ATCAY: variants seen among roughly 807,000 people sequenced by gnomAD.
ATCAY encodes the protein ATCAY kinesin light chain interacting caytaxin, also known as caytaxin.
In ATCAY, 22 loss-of-function variants were observed where a neutral mutation model predicts 47.7. The ratio of observed to expected loss-of-function variants is 0.46; its 90% confidence interval spans 0.33 to 0.66. ATCAY has a LOEUF of 0.66. Ranked by LOEUF, ATCAY falls within the 30% of genes least tolerant of loss-of-function variation. The pLI is 0.02. For synonymous variants in ATCAY, 216 were observed against 207.6 expected, an observed-to-expected ratio of 1.04 and a Z score of -0.35; for missense variants, 452 against 515.0, an observed-to-expected ratio of 0.88 and a Z score of 1.18.
At chr19:3,884,475 G>A (rs181682446) in intron 1 of ATCAY, among the ~76,000 whole-genome samples, 2 of 152,058 alleles carry the variant, frequency 1.3e-5, no homozygotes, top group Non-Finnish European at 2.9e-5. Flanking sequence ...CGATGGGTTA[G>A]AGCCTACTGG....
At position 3,895,809 on chromosome 19, in the gene ATCAY, G is replaced by A. The variant is rs149660367; in HGVS notation, c.78-6678G>A. Among the ~76,000 whole-genome samples the A allele has an allele frequency of 1.1e-4, 16 of 147,250 alleles. No individual in the cohort carries two copies. In the East Asian group the frequency reaches 2.0e-3, roughly 19 times the overall value. The stretch of plus-strand genomic sequence containing the variant: ...CAGCTCACTGCAGCCTCAAACTCCC[G>A]GACTCAAACGATCCTCCTGCCTCAG... On this transcript the variant is annotated intron_variant, in intron 2 of 12. Coordinates refer to ENST00000450849, the MANE Select transcript of ATCAY (RefSeq NM_033064.5).
In ATCAY at chr19:3,907,610, G is replaced by T; in HGVS notation, c.359-124G>T. ...TGGGTCAGCAGGGCAGCCAGGTGGGGAGAAGCGAAGGACTTGTGGGTCCCG... is the reference window on the plus strand; with the variant it reads ...TGGGTCAGCAGGGCAGCCAGGTGGGTAGAAGCGAAGGACTTGTGGGTCCCG... On this transcript the variant is annotated intron_variant, in intron 4 of 12. Transcript: ENST00000450849. This position sits in a 1 kb window ranked among gnomAD's most constrained non-coding sequence, Gnocchi z 5.1. 6 of 1,181,168 alleles carry T rather than the reference G, an allele frequency of 5.1e-6. No individual in the cohort carries two copies. The highest frequency in any genetic ancestry group is 1.4e-5 in the South Asian group (1 of 69,242). 73.2% of individuals were successfully genotyped at this position (1,181,168 alleles called of 1,614,324 possible).
intron 8 of ATCAY, among the ~76,000 whole-genome samples, chr19:3,912,598 G>A (rs113275051): frequency 0.047 from 7,207 of 151,898 alleles, 393 homozygotes; most frequent in East Asian, 0.2. Flanking sequence ...TTTTAAATAC[G>A]GCCAGGTGTG....
chr19:3,888,491 G>A (rs1003214145), intron 2 of ATCAY, among the ~76,000 whole-genome samples: 6 of 151,730 alleles, frequency 4.0e-5, no homozygotes, highest in East Asian at 3.9e-4. Flanking sequence ...TTAGTCGGGC[G>A]TGGTGGTGGG....
At position 3,881,866 on chromosome 19, in the gene ATCAY, G is replaced by GCC. The variant is rs34938220; in HGVS notation, c.-42+867_-42+868dup. On this transcript the variant is annotated intron_variant, in intron 1 of 12. Coordinates refer to ENST00000450849, the MANE Select transcript of ATCAY (RefSeq NM_033064.5). ...AAGGGCCTGGCTGGCTGCTGCCACC[G>GCC]CCCCCCCCCCGACCCCATAGCATCC... Among the ~76,000 whole-genome samples, 1,123 of 117,452 alleles carry GCC rather than the reference G, an allele frequency of 9.6e-3. 34 individuals carry two copies. The East Asian group carries it at 0.14, about 15-fold the overall frequency. 77.1% of individuals were successfully genotyped at this position (117,452 alleles called of 152,430 possible). A position where few individuals can be genotyped will look rare whatever the true frequency, so the allele number is the denominator to read the frequency against.
intron 2 of ATCAY, chr19:3,893,755 C>T (rs1334336690): frequency 2.6e-5 from 4 of 152,358 alleles, no homozygotes; most frequent in African/African-American, 7.2e-5. Flanking sequence ...TTCTCCAGTT[C>T]TGCATGATCT....
At chr19:3,896,170 T>C (rs943789197) in intron 2 of ATCAY, among the ~76,000 whole-genome samples, 1 of 151,486 alleles carries the variant, frequency 6.6e-6, no homozygotes, top group Admixed American at 6.6e-5. Flanking sequence ...TTTCTACAGC[T>C]TCACATTTCA....
intron 2 of ATCAY, among the ~76,000 whole-genome samples, chr19:3,892,223 G>T (rs1331909776): frequency 6.8e-6 from 1 of 147,126 alleles, no homozygotes; most frequent in African/African-American, 2.5e-5. Flanking sequence ...TTTTTTTCCA[G>T]ACGGGGTCTT....
chr19:3,909,337 T>C, intron 6 of ATCAY, 149 bp from the exon 7 acceptor site: 1 of 840,750 alleles, frequency 1.2e-6, no homozygotes, highest in Non-Finnish European at 1.8e-6. Context: ...TCTCCCACCC[T>C]GCAGTCCGCC....
intron 2 of ATCAY, among the ~76,000 whole-genome samples, chr19:3,894,483 C>CA (rs35274604): frequency 9.1e-3 from 551 of 60,312 alleles, no homozygotes; most frequent in African/African-American, 0.014. Context: ...GACTCCGTCT[C>CA]AAAAAAAAAA....
intron 4 of ATCAY, among the ~76,000 whole-genome samples, chr19:3,906,863 C>T (rs561811369): frequency 2.3e-4 from 35 of 152,076 alleles, no homozygotes; most frequent in Middle Eastern, 6.8e-3. Context: ...AAAGGCCAGG[C>T]GCAGTGACTC....
intron 12 of ATCAY, among the ~76,000 whole-genome samples, chr19:3,924,264 GAT>G: frequency 6.6e-6 from 1 of 151,482 alleles, no homozygotes; most frequent in Non-Finnish European, 1.5e-5. Flanking sequence ...TGGATGGATG[GAT>G]GGATGGGTGG....
chr19:3,924,315 G>A (rs540956979), intron 12 of ATCAY, among the ~76,000 whole-genome samples: 1 of 152,074 alleles, frequency 6.6e-6, no homozygotes, highest in Non-Finnish European at 1.5e-5. Flanking sequence ...TTGGTTAGTT[G>A]GGGGGTGGGT....
intron 3 of ATCAY, 142 bp downstream of exon 3, chr19:3,902,687 G>T: frequency 1.1e-6 from 1 of 912,202 alleles, no homozygotes; most frequent in Non-Finnish European, 1.7e-6. Flanking sequence ...GGTGGAAGTG[G>T]CCGTGGTGGG....
chr19:3,912,731 T>G (rs2038934213), intron 8 of ATCAY, among the ~76,000 whole-genome samples: 2 of 151,804 alleles, frequency 1.3e-5, no homozygotes, highest in Admixed American at 1.3e-4. Flanking sequence ...AAAAAATTTT[T>G]TTTAATTAGC....
chr19:3,895,047 C>A, intron 2 of ATCAY: 1 of 437,274 alleles, frequency 2.3e-6, no homozygotes, highest in Admixed American at 2.4e-5. Flanking sequence ...TTATTTCATT[C>A]ATTTTCTTTG....
intron 8 of ATCAY, among the ~76,000 whole-genome samples, chr19:3,911,631 T>C (rs932250812): frequency 6.6e-6 from 1 of 151,776 alleles, no homozygotes; most frequent in African/African-American, 2.4e-5. Context: ...TCATATATAG[T>C]TACTATATTA....
intron 4 of ATCAY, among the ~76,000 whole-genome samples, chr19:3,906,857 G>C (rs1160614452): frequency 6.6e-6 from 1 of 152,064 alleles, no homozygotes; most frequent in Non-Finnish European, 1.5e-5. Context: ...ACCACGAAAG[G>C]CCAGGCGCAG....
At chr19:3,918,517 T>G (rs1438679770) in intron 10 of ATCAY, among the ~76,000 whole-genome samples, 1 of 150,028 alleles carries the variant, frequency 6.7e-6, no homozygotes, top group Non-Finnish European at 1.5e-5. Context: ...ATTGTACCAT[T>G]GCACTCCAGC....
Sources: gnomAD v4.1 joint callset for allele counts (sites outside exome capture counted in the v4.1 genomes callset) on GRCh38, gnomAD v4.1.1 for gene constraint, Gnocchi (gnomAD v3.1) non-coding constraint, MANE v1.5 for transcripts, NCBI Gene and HGNC (gene_info 2026-07-23, HGNC 2026-07-21) for gene names.